FAM135B: variants seen among roughly 807,000 people sequenced by gnomAD.
FAM135B encodes the protein family with sequence similarity 135 member B.
Under a neutral mutation model 127.7 loss-of-function variants are expected in FAM135B, and 43 were observed. That is an observed-to-expected ratio of 0.34 (90% confidence interval 0.26 to 0.43). The LOEUF (loss-of-function observed/expected upper bound fraction) is 0.43, where lower values mean the gene tolerates loss of function less well. Ranked by LOEUF, FAM135B falls within the 20% of genes least tolerant of loss-of-function variation. The pLI is 1.00. For missense variants in FAM135B, 1,558 were observed against 1,725.6 expected, an observed-to-expected ratio of 0.90 and a Z score of 1.72; for synonymous variants, 670 against 665.1, an observed-to-expected ratio of 1.01 and a Z score of -0.11.
At chr8:138,402,709 C>T (rs951157246) in intron 1 of FAM135B, among the ~76,000 whole-genome samples, 1 of 152,210 alleles carries the variant, frequency 6.6e-6, no homozygotes, top group African/African-American at 2.4e-5. Context: ...CTGCTGTTCT[C>T]AGTCACTATA....
At chr8:138,459,434 T>C (rs919754120) in intron 1 of FAM135B, 1 of 152,140 alleles carries the variant, frequency 6.6e-6, no homozygotes, top group Non-Finnish European at 1.5e-5. Context: ...CAAAAAATCC[T>C]CCATGTCCGT....
chr8:138,408,225 C>A (rs897374166), intron 1 of FAM135B, among the ~76,000 whole-genome samples: 1 of 152,094 alleles, frequency 6.6e-6, no homozygotes, highest in Non-Finnish European at 1.5e-5. Context: ...TTTATGGCAT[C>A]TTTTTCCTCT....
chr8:138,235,355 CTTGA>C (rs753861020), intron 7 of FAM135B, among the ~76,000 whole-genome samples: 1 of 152,150 alleles, frequency 6.6e-6, no homozygotes, highest in Non-Finnish European at 1.5e-5. Flanking sequence ...AGAGTTAATG[CTTGA>C]TTAATGTTTG....
At chr8:138,139,332 T>G (rs1433266129) in intron 17 of FAM135B, among the ~76,000 whole-genome samples, 1 of 151,846 alleles carries the variant, frequency 6.6e-6, no homozygotes, top group African/African-American at 2.4e-5. Context: ...GCCTTCGGAG[T>G]AAGAAACTAC....
At chr8:138,461,499 C>T (rs777128493) in intron 1 of FAM135B, among the ~76,000 whole-genome samples, 22 of 152,188 alleles carry the variant, frequency 1.4e-4, no homozygotes, top group Non-Finnish European at 2.5e-4. Flanking sequence ...TTAAACATGA[C>T]CTCAGGATTG....
intron 11 of FAM135B, among the ~76,000 whole-genome samples, chr8:138,170,466 C>G (rs534288834): frequency 3.3e-5 from 5 of 152,228 alleles, no homozygotes; most frequent in African/African-American, 1.2e-4. Context: ...AGGTGATCTG[C>G]CCACCTAGGC....
intron 17 of FAM135B, among the ~76,000 whole-genome samples, chr8:138,140,256 G>T (rs1461820469): frequency 6.6e-6 from 1 of 152,184 alleles, no homozygotes; most frequent in African/African-American, 2.4e-5. Flanking sequence ...AGGCCATGAG[G>T]AAACAACGTT....
At chr8:138,286,011 T>C (rs1210725267) in intron 3 of FAM135B, among the ~76,000 whole-genome samples, 2 of 152,132 alleles carry the variant, frequency 1.3e-5, no homozygotes, top group African/African-American at 4.8e-5. Context: ...CCTGTCTTCA[T>C]AGAACTTACA....
intron 19 of FAM135B, among the ~76,000 whole-genome samples, chr8:138,134,151 A>T (rs1816433393): frequency 6.8e-6 from 1 of 146,818 alleles, no homozygotes; most frequent in Non-Finnish European, 1.5e-5. Context: ...CAAATTCAGC[A>T]TCAGAGGAAT....
intron 1 of FAM135B, among the ~76,000 whole-genome samples, chr8:138,411,699 A>G (rs992677611): frequency 2.6e-5 from 4 of 152,156 alleles, no homozygotes; most frequent in Non-Finnish European, 5.9e-5. Context: ...GTGAACAGGC[A>G]ACCTACAGAA....
intron 2 of FAM135B, among the ~76,000 whole-genome samples, chr8:138,313,527 T>C (rs1415015879): frequency 2.0e-5 from 3 of 151,104 alleles, no homozygotes; most frequent in African/African-American, 7.3e-5. Context: ...ATTTTGTTTG[T>C]TTGTTTGCTT....
chr8:138,332,335 T>C (rs140363611), intron 2 of FAM135B, among the ~76,000 whole-genome samples: 58 of 152,298 alleles, frequency 3.8e-4, no homozygotes, highest in African/African-American at 1.3e-3. Flanking sequence ...CACCGAGGGC[T>C]TTCTCTTGGG....
intron 1 of FAM135B, among the ~76,000 whole-genome samples, chr8:138,395,805 T>C (rs1832820269): frequency 6.6e-6 from 1 of 152,222 alleles, no homozygotes; most frequent in South Asian, 2.1e-4. Flanking sequence ...TTAGGCACAT[T>C]GTTTAACTTC....
At chr8:138,157,864 C>T (rs1288221535) in intron 12 of FAM135B, among the ~76,000 whole-genome samples, 1 of 152,176 alleles carries the variant, frequency 6.6e-6, no homozygotes, top group Non-Finnish European at 1.5e-5. Flanking sequence ...GTGAAAATGG[C>T]CATAATGCCC....
At chr8:138,447,141 A>G (rs982534232) in intron 1 of FAM135B, among the ~76,000 whole-genome samples, 1 of 152,092 alleles carries the variant, frequency 6.6e-6, no homozygotes, top group Non-Finnish European at 1.5e-5. Flanking sequence ...CGATCATTAA[A>G]AAGTCAGGAA....
chr8:138,337,791 G>T (rs144141121), intron 2 of FAM135B, among the ~76,000 whole-genome samples: 4 of 152,116 alleles, frequency 2.6e-5, no homozygotes, highest in African/African-American at 9.7e-5. Flanking sequence ...AAAAGAGCCC[G>T]CATTGCCAAA....
chr8:138,223,896 G>A lies in FAM135B; in HGVS notation c.669+19046C>T, dbSNP rs372616663. On this transcript the variant is annotated intron_variant, in intron 7 of 19. Coordinates refer to ENST00000395297, the MANE Select transcript of FAM135B (RefSeq NM_015912.4). Reference sequence around the variant, plus strand: ...TTATTTTCTTTGCAGCAACATGGATGCAGCTGGAGGCCATTATCCTAAGCA... The same window carrying A: ...TTATTTTCTTTGCAGCAACATGGATACAGCTGGAGGCCATTATCCTAAGCA... Among the ~76,000 whole-genome samples the A allele has an allele frequency of 2.6e-5, 4 of 152,182 alleles. No individual in the cohort carries two copies. In the South Asian group the frequency reaches 8.3e-4, roughly 32 times the overall value.
chr8:138,475,329 T>G (rs1255430046), intron 1 of FAM135B, among the ~76,000 whole-genome samples: 1 of 152,162 alleles, frequency 6.6e-6, no homozygotes, highest in African/African-American at 2.4e-5. Flanking sequence ...GGGAGTCACA[T>G]CAGATCTCAT....
At chr8:138,321,100 G>C (rs377524626) in intron 2 of FAM135B, among the ~76,000 whole-genome samples, 1 of 152,102 alleles carries the variant, frequency 6.6e-6, no homozygotes, top group Non-Finnish European at 1.5e-5. Flanking sequence ...AAAACTTAAC[G>C]CTAGTAACTT....
Sources: gnomAD v4.1 joint callset for allele counts (sites outside exome capture counted in the v4.1 genomes callset) on GRCh38, gnomAD v4.1.1 for gene constraint, MANE v1.5 for transcripts, NCBI Gene and HGNC (gene_info 2026-07-23, HGNC 2026-07-21) for gene names.